The following AUTS2 variants were observed in gnomAD, a reference collection of about 807,000 sequenced individuals.
AUTS2 encodes the protein activator of transcription and developmental regulator AUTS2.
Under a neutral mutation model 112.4 loss-of-function variants are expected in AUTS2, and 17 were observed. The observed-to-expected ratio is 0.15, with a 90% CI of 0.10 to 0.23. The LOEUF is 0.23. AUTS2 is among the 10% of genes least tolerant of loss of function. AUTS2 has a pLI of 1.00. For synonymous variants in AUTS2, 751 were observed against 702.7 expected (o/e 1.07, Z -1.09); for missense variants, 1,510 against 1,701.6 (o/e 0.89, Z 1.98).
intron 1 of AUTS2, among the ~76,000 whole-genome samples, chr7:69,727,363 G>A (rs898830177): frequency 3.3e-5 from 5 of 152,046 alleles, no homozygotes; most frequent in Admixed American, 6.5e-5. Context: ...GGGATGAGGC[G>A]GGTGGATCAC....
At chr7:70,713,367 T>G (rs886290393) in intron 6 of AUTS2, among the ~76,000 whole-genome samples, 2 of 152,258 alleles carry the variant, frequency 1.3e-5, no homozygotes, top group African/African-American at 4.8e-5. Flanking sequence ...CAGAAGTGTT[T>G]TGAAATCTTT....
At chr7:69,647,407 G>C (rs970390631) in intron 1 of AUTS2, among the ~76,000 whole-genome samples, 1 of 150,780 alleles carries the variant, frequency 6.6e-6, no homozygotes, top group Non-Finnish European at 1.5e-5. Context: ...CTGGAGTGCA[G>C]TGCCATGAGC....
intron 1 of AUTS2, among the ~76,000 whole-genome samples, chr7:69,817,643 C>T (rs1474665517): frequency 6.6e-6 from 1 of 152,000 alleles, no homozygotes; most frequent in Non-Finnish European, 1.5e-5. Flanking sequence ...TTGAGTTGGA[C>T]CTGAAAGAAA....
At chr7:70,304,067 T>G (rs909604630) in intron 4 of AUTS2, among the ~76,000 whole-genome samples, 5 of 152,184 alleles carry the variant, frequency 3.3e-5, no homozygotes, top group Admixed American at 6.5e-5. Flanking sequence ...TGCAGTTCCA[T>G]GCTCATCACC....
chr7:70,651,160 A>G (rs1806486461), intron 5 of AUTS2, among the ~76,000 whole-genome samples: 1 of 152,226 alleles, frequency 6.6e-6, no homozygotes, highest in Non-Finnish European at 1.5e-5. Flanking sequence ...CTATTATGAG[A>G]TGGGATTATT....
intron 1 of AUTS2, among the ~76,000 whole-genome samples, chr7:69,614,789 T>C (rs1793276526): frequency 6.6e-6 from 1 of 152,126 alleles, no homozygotes; most frequent in South Asian, 2.1e-4. Context: ...CATCTGAGTG[T>C]CCGTATGAAG....
intron 4 of AUTS2, among the ~76,000 whole-genome samples, chr7:70,261,813 A>G (rs996012566): frequency 6.6e-6 from 1 of 152,234 alleles, no homozygotes; most frequent in Non-Finnish European, 1.5e-5. Flanking sequence ...GGAGTAGGAA[A>G]GCAGACCCCT....
chr7:69,904,812 G>A (rs1429689191), intron 2 of AUTS2, among the ~76,000 whole-genome samples: 1 of 151,990 alleles, frequency 6.6e-6, no homozygotes, highest in Non-Finnish European at 1.5e-5. Flanking sequence ...CTTGCCTAAA[G>A]TATAGAAATA....
chr7:69,656,772 T>C (rs1795560811), intron 1 of AUTS2, among the ~76,000 whole-genome samples: 1 of 152,212 alleles, frequency 6.6e-6, no homozygotes, highest in Non-Finnish European at 1.5e-5. Context: ...GCCCAACATG[T>C]GGCTTCTGTG....
intron 4 of AUTS2, among the ~76,000 whole-genome samples, chr7:70,361,075 G>T (rs1024009325): frequency 1.3e-5 from 2 of 152,278 alleles, no homozygotes; most frequent in African/African-American, 4.8e-5. Flanking sequence ...GCCAGGCGCG[G>T]TGGCTCACGC....
intron 5 of AUTS2, among the ~76,000 whole-genome samples, chr7:70,684,923 A>G (rs1808394972): frequency 6.6e-6 from 1 of 152,140 alleles, no homozygotes; most frequent in Non-Finnish European, 1.5e-5. Context: ...ACTCTAGGGC[A>G]TTTTTGGCAG....
intron 4 of AUTS2, 45 bp from the exon 5 acceptor site, chr7:70,435,707 A>C: frequency 6.2e-7 from 1 of 1,607,386 alleles, no homozygotes; most frequent in Non-Finnish European, 8.5e-7. Flanking sequence ...GCAAAAACAT[A>C]CTCAGTTCTT....
In AUTS2 at chr7:69,851,447, G is replaced by A. The variant is rs190883212; in HGVS notation, c.310-47839G>A. Reference sequence around the variant, plus strand: ...TTATGTTTTGTAGAGACAGTGTCTCGCCATGTTGCTCAGGCTGGTCTTAAA... The same window carrying A: ...TTATGTTTTGTAGAGACAGTGTCTCACCATGTTGCTCAGGCTGGTCTTAAA... On this transcript the variant is annotated intron_variant, in intron 1 of 18. Coordinates refer to ENST00000342771, the MANE Select transcript of AUTS2 (RefSeq NM_015570.4). 1.3e-3 allele frequency among the ~76,000 whole-genome samples: 192 copies of A among 152,200 alleles called. 2 individuals carry two copies. The highest frequency in any genetic ancestry group is 4.2e-3 in the African/African-American group (176 of 41,534).
intron 5 of AUTS2, among the ~76,000 whole-genome samples, chr7:70,535,822 A>G (rs1800293883): frequency 6.6e-6 from 1 of 152,226 alleles, no homozygotes; most frequent in Non-Finnish European, 1.5e-5. Context: ...ACCAAAAGAC[A>G]TGCAGAGCGT....
At chr7:70,055,376 G>A (rs941501889) in intron 2 of AUTS2, among the ~76,000 whole-genome samples, 1 of 152,132 alleles carries the variant, frequency 6.6e-6, no homozygotes, top group Non-Finnish European at 1.5e-5. Flanking sequence ...GGAGGTTGTG[G>A]TGAGCCAAGA....
intron 4 of AUTS2, among the ~76,000 whole-genome samples, chr7:70,249,874 A>AAATATTTTAAGTAAAATATT (rs200260615): frequency 4.7e-5 from 7 of 150,252 alleles, no homozygotes; most frequent in Non-Finnish European, 1.5e-5. Context: ...ATTTTAAGTA[A>AAATATTTTAAGTAAAATATT]AATATTTTAA....
At chr7:70,567,790 A>C (rs556137417) in intron 5 of AUTS2, among the ~76,000 whole-genome samples, 20 of 152,332 alleles carry the variant, frequency 1.3e-4, no homozygotes, top group Admixed American at 2.6e-4. Flanking sequence ...TGGGAACTGC[A>C]CTAAGGGCGC....
chr7:70,547,496 GCCTGCCTCAGCCTCCCAAAGT>G (rs1800837947), intron 5 of AUTS2, among the ~76,000 whole-genome samples: 1 of 152,084 alleles, frequency 6.6e-6, no homozygotes. Context: ...CTCGTGATCT[GCCTGCCTCAGCCTCCCAAAGT>G]GCTGGGATTA....
chr7:70,509,672 A>G (rs1799105129), intron 5 of AUTS2, among the ~76,000 whole-genome samples: 1 of 152,136 alleles, frequency 6.6e-6, no homozygotes, highest in African/African-American at 2.4e-5. Context: ...TAACTCTTCC[A>G]TCTTCTCTTT....
Sources: allele counts gnomAD v4.1 joint callset (sites outside exome capture counted in the v4.1 genomes callset), GRCh38; gene constraint gnomAD v4.1.1; transcripts MANE v1.5; gene names NCBI Gene and HGNC (gene_info 2026-07-23, HGNC 2026-07-21).